TRAPPC9: variants seen among roughly 807,000 people sequenced by gnomAD.
TRAPPC9 encodes the protein trafficking protein particle complex subunit 9.
In TRAPPC9, 83 loss-of-function variants were observed where a neutral mutation model predicts 124.0. The ratio of observed to expected loss-of-function variants is 0.67; its 90% confidence interval spans 0.56 to 0.80. TRAPPC9 has a LOEUF of 0.80. Ranked by LOEUF, TRAPPC9 falls within the 30% of genes least tolerant of loss-of-function variation. The probability of loss-of-function intolerance (pLI) is 0.00; values close to 1 mark genes in which losing one functional copy is unlikely to be tolerated. For missense variants in TRAPPC9, 1,302 were observed against 1,508.3 expected, an observed-to-expected ratio of 0.86 and a Z score of 2.27; for synonymous variants, 638 against 617.5, an observed-to-expected ratio of 1.03 and a Z score of -0.49.
intron 21 of TRAPPC9, among the ~76,000 whole-genome samples, chr8:139,841,979 G>A (rs774501676): frequency 3.9e-5 from 6 of 151,976 alleles, no homozygotes; most frequent in Non-Finnish European, 7.3e-5. Flanking sequence ...AGTGAAGACC[G>A]GGGACATGGG....
chr8:140,442,212 T>C (rs774660671), intron 2 of TRAPPC9, among the ~76,000 whole-genome samples: 33 of 152,222 alleles, frequency 2.2e-4, no homozygotes, highest in Non-Finnish European at 4.1e-4. Context: ...TTTGAAAACA[T>C]AGGACTTTTA....
intron 20 of TRAPPC9, among the ~76,000 whole-genome samples, chr8:139,895,895 C>T (rs369948977): frequency 1.3e-5 from 2 of 152,342 alleles, no homozygotes; most frequent in South Asian, 4.1e-4. Context: ...GCAGCAGCCC[C>T]GTGCCTGCAG....
chr8:140,125,742 G>A (rs552276149), intron 17 of TRAPPC9, among the ~76,000 whole-genome samples: 14 of 151,630 alleles, frequency 9.2e-5, no homozygotes, highest in Non-Finnish European at 1.6e-4. Flanking sequence ...TTACAGGTGC[G>A]TGCCACCACA....
chr8:140,221,583 T>C lies in TRAPPC9; in HGVS notation c.2432A>G (p.Asp811Gly). ...QENLLQDLSD[D>G]GISVSGFPLS... ...GGGAAAGCCACTCACACTGATTCCA[T>C]CTACAAAATAAGAACAAAAATCATA... is the stretch of plus-strand genomic sequence containing the variant. The change falls in exon 17 of 23, where the codon GAT (aspartate) becomes GGT (glycine). Residue 811 changes from aspartate to glycine, a missense_variant and splice_region_variant. Around this residue, in one of 3 missense-constraint regions of TRAPPC9, gnomAD observed 640 missense variants for 679.3 expected, o/e 0.94. Coordinates refer to ENST00000438773, the MANE Select transcript of TRAPPC9 (RefSeq NM_001160372.4). 6.2e-7 allele frequency: 1 copy of C among 1,613,688 alleles called. No homozygotes were observed.
Position 140,451,047 on chromosome 8 carries a change from T to C in TRAPPC9, c.327A>G (p.Thr109=), listed in dbSNP as rs752565552. ...FHVQKEIYGS[T]LYDSRLFVFG... is the part of the protein sequence containing the mutation. Reference sequence around the variant, plus strand: ...AGACAAAGAGCCGGGAGTCATACAGTGTGGAGCCGTAGATCTCCTTCTGCA... The same window carrying C: ...AGACAAAGAGCCGGGAGTCATACAGCGTGGAGCCGTAGATCTCCTTCTGCA... The change falls in exon 2 of 23, where the codon ACA becomes ACG. Residue 109 remains threonine (T), a synonymous_variant. Coordinates refer to ENST00000438773, the MANE Select transcript of TRAPPC9 (RefSeq NM_001160372.4). 1 of 1,614,042 alleles carries C rather than the reference T, an allele frequency of 6.2e-7. No homozygotes were observed.
intron 21 of TRAPPC9, among the ~76,000 whole-genome samples, chr8:139,875,542 C>G (rs1175280815): frequency 6.6e-6 from 1 of 152,248 alleles, no homozygotes; most frequent in Non-Finnish European, 1.5e-5. Flanking sequence ...TCTTTGTCAA[C>G]CCATGCCCAG....
intron 8 of TRAPPC9, among the ~76,000 whole-genome samples, chr8:140,368,290 T>C (rs1455881371): frequency 6.6e-6 from 1 of 152,162 alleles, no homozygotes; most frequent in East Asian, 1.9e-4. Flanking sequence ...TCTTGGTTCT[T>C]GCTTTGTGCT....
intron 5 of TRAPPC9, among the ~76,000 whole-genome samples, chr8:140,416,202 T>C (rs542049945): frequency 6.6e-5 from 10 of 152,244 alleles, no homozygotes; most frequent in East Asian, 1.9e-4. Context: ...GCTTAAAGAA[T>C]AGACATTACT....
At chr8:139,990,407 G>A (rs1837557598) in intron 18 of TRAPPC9, among the ~76,000 whole-genome samples, 1 of 152,126 alleles carries the variant, frequency 6.6e-6, no homozygotes, top group South Asian at 2.1e-4. Flanking sequence ...GAGCAGAACT[G>A]AGGTACAGGG....
intron 9 of TRAPPC9, among the ~76,000 whole-genome samples, chr8:140,329,893 T>C (rs6578098): frequency 0.64 from 97,816 of 151,890 alleles, 31,789 homozygotes; most frequent in African/African-American, 0.75. Flanking sequence ...GCGTGGCCAA[T>C]GTGGTGAAAC....
intron 18 of TRAPPC9, among the ~76,000 whole-genome samples, chr8:139,993,532 T>C (rs146927297): frequency 2.0e-5 from 3 of 152,340 alleles, no homozygotes. Flanking sequence ...ATTCCATTTG[T>C]AGCTGCCTAT....
intron 19 of TRAPPC9, among the ~76,000 whole-genome samples, chr8:139,946,885 G>A (rs1425095194): frequency 6.6e-6 from 1 of 152,120 alleles, no homozygotes; most frequent in African/African-American, 2.4e-5. Flanking sequence ...TACTCGGGAG[G>A]CTGAGGCAGG....
At chr8:139,996,099 T>G (rs1181390819) in intron 18 of TRAPPC9, among the ~76,000 whole-genome samples, 1 of 81,546 alleles carries the variant, frequency 1.2e-5, no homozygotes, top group East Asian at 4.4e-4. Flanking sequence ...TTGAAACAAG[T>G]GAAAAGACGG....
intron 17 of TRAPPC9, among the ~76,000 whole-genome samples, chr8:140,037,814 GAT>G (rs1841000930): frequency 8.0e-6 from 1 of 125,284 alleles, no homozygotes; most frequent in African/African-American, 3.0e-5. Flanking sequence ...CACACACACA[GAT>G]ACACACATAC....
At chr8:140,171,534 G>A (rs2061963124) in intron 17 of TRAPPC9, among the ~76,000 whole-genome samples, 1 of 152,190 alleles carries the variant, frequency 6.6e-6, no homozygotes, top group African/African-American at 2.4e-5. Context: ...GCTATGTCCT[G>A]TTAGATCTTA....
intron 7 of TRAPPC9, among the ~76,000 whole-genome samples, chr8:140,388,096 C>T (rs2068807872): frequency 6.6e-6 from 1 of 151,326 alleles, no homozygotes; most frequent in South Asian, 2.1e-4. Context: ...AGCTGGAAAC[C>T]ATCATTCTCA....
chr8:139,844,427 C>T (rs1826937511), intron 21 of TRAPPC9, among the ~76,000 whole-genome samples: 1 of 152,236 alleles, frequency 6.6e-6, no homozygotes, highest in African/African-American at 2.4e-5. Context: ...AAGGATGAGG[C>T]TTTTCTATTT....
intron 9 of TRAPPC9, among the ~76,000 whole-genome samples, chr8:140,311,873 C>G (rs1439935918): frequency 7.1e-6 from 1 of 140,888 alleles, no homozygotes; most frequent in Non-Finnish European, 1.5e-5. Flanking sequence ...CTGTTGTTCA[C>G]CATCCTGCCC....
At chr8:140,105,095 T>G (rs2060640276) in intron 17 of TRAPPC9, among the ~76,000 whole-genome samples, 1 of 152,154 alleles carries the variant, frequency 6.6e-6, no homozygotes, top group Non-Finnish European at 1.5e-5. Context: ...GTCCATCCTC[T>G]TCTACCCTCC....
Sources: gnomAD v4.1 joint callset for allele counts (sites outside exome capture counted in the v4.1 genomes callset) on GRCh38, gnomAD v4.1.1 for gene constraint, gnomAD v4.1.1 regional missense constraint, MANE v1.5 for transcripts, NCBI Gene and HGNC (gene_info 2026-07-23, HGNC 2026-07-21) for gene names.